The following FGGY variants were observed in gnomAD, a reference collection of about 807,000 sequenced individuals.
FGGY encodes the protein FGGY carbohydrate kinase domain-containing protein.
Under a neutral mutation model 71.3 loss-of-function variants are expected in FGGY, and 72 were observed. The observed-to-expected ratio is 1.01, with a 90% CI of 0.84 to 1.23. FGGY has a LOEUF of 1.23. FGGY is among the 50% of genes most tolerant of loss of function. The probability of loss-of-function intolerance (pLI) is 0.00; values close to 1 mark genes in which losing one functional copy is unlikely to be tolerated. For missense variants in FGGY, 668 were observed against 682.3 expected, an observed-to-expected ratio of 0.98 and a Z score of 0.23; for synonymous variants, 251 against 250.3, an observed-to-expected ratio of 1.00 and a Z score of -0.02.
chr1:59,346,772 C>A (rs1373118617), intron 4 of FGGY, among the ~76,000 whole-genome samples: 1 of 152,048 alleles, frequency 6.6e-6, no homozygotes, highest in Non-Finnish European at 1.5e-5. Flanking sequence ...AGAATTTGAA[C>A]CTAAGACTGG....
chr1:59,757,581 G>A (rs2098303582), intron 14 of FGGY, among the ~76,000 whole-genome samples: 1 of 152,164 alleles, frequency 6.6e-6, no homozygotes, highest in Non-Finnish European at 1.5e-5. Flanking sequence ...CCCTGCTTCT[G>A]CCCTGTGTCC....
At chr1:59,642,483 G>T (rs1558646188) in intron 11 of FGGY, among the ~76,000 whole-genome samples, 1 of 151,808 alleles carries the variant, frequency 6.6e-6, no homozygotes, top group Non-Finnish European at 1.5e-5. Flanking sequence ...AAATTAGCTG[G>T]GCGTGGTGGT....
chr1:59,463,221 A>G (rs2092379408), intron 6 of FGGY, among the ~76,000 whole-genome samples: 1 of 152,236 alleles, frequency 6.6e-6, no homozygotes, highest in Non-Finnish European at 1.5e-5. Flanking sequence ...ATTCTTAAAG[A>G]AAAGAATTTT....
At chr1:59,586,495 C>T (rs1451750276) in intron 8 of FGGY, among the ~76,000 whole-genome samples, 77 of 151,792 alleles carry the variant, frequency 5.1e-4, no homozygotes, top group South Asian at 2.3e-3. Context: ...CATCACACAC[C>T]GGGGCCTGTG....
chr1:59,440,094 C>CAA (rs140279518), intron 5 of FGGY, among the ~76,000 whole-genome samples: 16,589 of 125,236 alleles, frequency 0.13, 1,038 homozygotes, highest in Non-Finnish European at 0.16. Context: ...TTGCAAGGTT[C>CAA]AAAAAAAAAA....
At chr1:59,412,829 G>A (rs1229798062) in intron 5 of FGGY, among the ~76,000 whole-genome samples, 1 of 152,116 alleles carries the variant, frequency 6.6e-6, no homozygotes, top group Non-Finnish European at 1.5e-5. Context: ...GGCAGAGAGT[G>A]GGCCACGTGG....
chr1:59,475,005 G>C (rs1475057424), intron 6 of FGGY, among the ~76,000 whole-genome samples: 1 of 152,208 alleles, frequency 6.6e-6, no homozygotes, highest in Non-Finnish European at 1.5e-5. Context: ...TTCAGAAAAT[G>C]AAAGTTCTTA....
In FGGY at chr1:59,667,349, T is replaced by C. The variant is rs753155543; in HGVS notation, c.1363T>C (p.Cys455Arg). 2.4e-5 allele frequency: 39 copies of C among 1,614,172 alleles called. No individual in the cohort carries two copies. Among genetic ancestry groups the C allele is most frequent in the Non-Finnish European group, 3.1e-5 (37 of 1,180,006 alleles). Residue 455 changes from cysteine to arginine, a missense_variant, in exon 13 of 16, where the codon TGT (cysteine) becomes CGT (arginine). This residue lies in a region of FGGY where 661 missense variants were observed against 661.6 expected (regional missense o/e 1.00). Coordinates refer to ENST00000303721, the MANE Select transcript of FGGY (RefSeq NM_018291.5). Reference sequence around the variant, plus strand: ...GCACTCAATCAGTACTCTTTTCCTATGTGGAGGCCTCAGCAAGAATCCCCT... The same window carrying C: ...GCACTCAATCAGTACTCTTTTCCTACGTGGAGGCCTCAGCAAGAATCCCCT... ...AGHSISTLFLCGGLSKNPLFV... is the reference protein window; with the variant it reads ...AGHSISTLFLRGGLSKNPLFV...
chr1:59,523,185 T>C (rs144708329), intron 7 of FGGY, among the ~76,000 whole-genome samples: 1 of 152,252 alleles, frequency 6.6e-6, no homozygotes, highest in East Asian at 1.9e-4. Flanking sequence ...GCTAGAAAAG[T>C]GTGTGTTTGG....
At chr1:59,306,414 AG>A (rs2043448802) in intron 1 of FGGY, among the ~76,000 whole-genome samples, 1 of 152,254 alleles carries the variant, frequency 6.6e-6, no homozygotes, top group South Asian at 2.1e-4. Flanking sequence ...TGAGTAAGTG[AG>A]GGCAGCCTGA....
At chr1:59,628,995 T>C (rs1307929928) in intron 10 of FGGY, among the ~76,000 whole-genome samples, 2 of 152,154 alleles carry the variant, frequency 1.3e-5, no homozygotes, top group Admixed American at 1.3e-4. Flanking sequence ...CAGGCTGTAA[T>C]AGGTGTTCAA....
chr1:59,591,221 C>A (rs1347976245), intron 8 of FGGY, among the ~76,000 whole-genome samples: 4 of 152,120 alleles, frequency 2.6e-5, no homozygotes, highest in Non-Finnish European at 5.9e-5. Flanking sequence ...GGCTAGGAAT[C>A]CAACTTACAA....
At chr1:59,575,999 A>C (rs2096069416) in intron 8 of FGGY, among the ~76,000 whole-genome samples, 1 of 152,024 alleles carries the variant, frequency 6.6e-6, no homozygotes, top group African/African-American at 2.4e-5. Context: ...TCCCTTCTTT[A>C]TATCTTCTTT....
intron 5 of FGGY, among the ~76,000 whole-genome samples, chr1:59,396,038 C>T (rs558223014): frequency 6.6e-6 from 1 of 152,292 alleles, no homozygotes; most frequent in African/African-American, 2.4e-5. Flanking sequence ...TGAGCAGCGT[C>T]ACTTGGAAAT....
chr1:59,353,252 T>C (rs999699096), intron 4 of FGGY, among the ~76,000 whole-genome samples: 1 of 152,202 alleles, frequency 6.6e-6, no homozygotes, highest in Non-Finnish European at 1.5e-5. Context: ...TAGTAGATAC[T>C]CAAATGGTAC....
intron 4 of FGGY, among the ~76,000 whole-genome samples, chr1:59,371,776 A>G (rs950748535): frequency 1.3e-5 from 2 of 152,160 alleles, no homozygotes; most frequent in Non-Finnish European, 2.9e-5. Context: ...GCTCAACTAC[A>G]TGGAAACTGA....
intron 6 of FGGY, among the ~76,000 whole-genome samples, chr1:59,473,298 G>A (rs1278526619): frequency 1.3e-5 from 2 of 151,706 alleles, no homozygotes; most frequent in Admixed American, 6.6e-5. Flanking sequence ...AACACTCACC[G>A]CGAAGGTCCG....
chr1:59,702,280 G>A (rs938344696), intron 14 of FGGY, among the ~76,000 whole-genome samples: 25 of 152,086 alleles, frequency 1.6e-4, no homozygotes, highest in Admixed American at 2.0e-4. Context: ...AAGCCAAAAG[G>A]CATTTTTATT....
chr1:59,346,124 A>G (rs574402644), intron 3 of FGGY, 123 bp from the exon 4 acceptor site: 67 of 1,274,294 alleles, frequency 5.3e-5, no homozygotes, highest in Middle Eastern at 5.6e-4. Context: ...CATTTTGCAC[A>G]CTCTTGATAC....
Sources: allele counts gnomAD v4.1 joint callset (sites outside exome capture counted in the v4.1 genomes callset), GRCh38; gene constraint gnomAD v4.1.1; regional missense constraint gnomAD v4.1.1; transcripts MANE v1.5; gene names NCBI Gene and HGNC (gene_info 2026-07-23, HGNC 2026-07-21).